Variants in AKR1E2 observed in about 807,000 individuals in gnomAD.
The protein encoded by AKR1E2 is 1,5-anhydro-D-fructose reductase.
Under a neutral mutation model 41.9 loss-of-function variants are expected in AKR1E2, and 43 were observed. That is an observed-to-expected ratio of 1.03 (90% confidence interval 0.80 to 1.32). AKR1E2 has a LOEUF of 1.32. Ranked by LOEUF, AKR1E2 falls within the 40% of genes most tolerant of loss-of-function variation. AKR1E2 has a pLI of 0.00. For missense variants in AKR1E2, 423 were observed against 396.5 expected, an observed-to-expected ratio of 1.07 and a Z score of -0.57; for synonymous variants, 121 against 138.9, an observed-to-expected ratio of 0.87 and a Z score of 0.91.
the AKR1E2 span, among the ~76,000 whole-genome samples, chr10:4,866,639 G>T: frequency 7.9e-4 from 85 of 107,808 alleles, 1 homozygote; most frequent in South Asian, 1.3e-3. Flanking sequence ...TTTTGTTTTT[G>T]TTTTTGTTTT....
chr10:4,860,601 C>G, the AKR1E2 span, among the ~76,000 whole-genome samples: 2 of 152,146 alleles, frequency 1.3e-5, no homozygotes, highest in African/African-American at 4.8e-5. Flanking sequence ...TGATTTATTA[C>G]TATATGAATG....
At chr10:4,863,534 CA>C in the AKR1E2 span, among the ~76,000 whole-genome samples, 2 of 152,066 alleles carry the variant, frequency 1.3e-5, no homozygotes, top group African/African-American at 4.8e-5. Context: ...GACACCCTAA[CA>C]TCACAATTAA....
intron 3 of AKR1E2, among the ~76,000 whole-genome samples, chr10:4,833,728 T>G (rs375847629): frequency 4.6e-5 from 7 of 152,204 alleles, no homozygotes; most frequent in Admixed American, 1.3e-4. Flanking sequence ...AAGAGAGCAG[T>G]AGATTTTTTT....
chr10:4,830,849 C>G lies in AKR1E2; in HGVS notation c.207+7C>G. 1 of 1,613,954 alleles carries G rather than the reference C, an allele frequency of 6.2e-7. No individual in the cohort carries two copies. Among genetic ancestry groups the G allele is most frequent in the Non-Finnish European group, 8.5e-7 (1 of 1,179,916 alleles). ...TCTGTTCATTGCCACTAAGGTAGGG[C>G]TTCTCTATGCAAGGCTGGCAGAGCT... On this transcript the variant is annotated splice_region_variant and intron_variant, in intron 2 of 9. Coordinates refer to ENST00000298375, the MANE Select transcript of AKR1E2 (RefSeq NM_001040177.3).
chr10:4,831,465 C>T (rs181231261), intron 2 of AKR1E2, among the ~76,000 whole-genome samples: 98 of 152,278 alleles, frequency 6.4e-4, no homozygotes, highest in African/African-American at 2.3e-3. Context: ...AACAAAGGCA[C>T]GTCTTACATG....
chr10:4,825,580 C>T (rs1588420126), upstream of AKR1E2, among the ~76,000 whole-genome samples: 1 of 152,232 alleles, frequency 6.6e-6, no homozygotes, highest in Admixed American at 6.5e-5. Context: ...CAAGCCCCAG[C>T]CGCTCTGGGC....
At position 4,837,544 on chromosome 10, in the gene AKR1E2, A is replaced by G. The variant is rs781674098; in HGVS notation, c.545A>G (p.Asn182Ser). The G allele has an allele frequency of 3.3e-5, 54 of 1,614,028 alleles. No homozygotes were observed. The highest frequency in any genetic ancestry group is 4.2e-5 in the Non-Finnish European group (50 of 1,180,028). The change falls in exon 5 of 10, where the codon AAT becomes AGT. Residue 182 changes from asparagine to serine, a missense_variant. Physicochemically the swap from Asn to Ser is conservative, Grantham distance 46. Coordinates refer to ENST00000298375, the MANE Select transcript of AKR1E2 (RefSeq NM_001040177.3). ...FNHEQLERLLNKPGLRFKPLT... is the reference protein window; with the variant it reads ...FNHEQLERLLSKPGLRFKPLT... Reference sequence around the variant, plus strand: ...CATGAACAGCTTGAGAGGCTTTTGAATAAGCCTGGGTTGAGGTTCAAGCCA... The same window carrying G: ...CATGAACAGCTTGAGAGGCTTTTGAGTAAGCCTGGGTTGAGGTTCAAGCCA...
chr10:4,855,544 A>G, the AKR1E2 span, among the ~76,000 whole-genome samples: 1 of 146,184 alleles, frequency 6.8e-6, no homozygotes, highest in African/African-American at 2.5e-5. Context: ...TGCCATCACA[A>G]TGGCAGCCCA....
At chr10:4,830,262 CT>C in intron 1 of AKR1E2, among the ~76,000 whole-genome samples, 1 of 152,170 alleles carries the variant, frequency 6.6e-6, no homozygotes, top group South Asian at 2.1e-4. Flanking sequence ...TTATATACTT[CT>C]TTTTGTATGG....
At chr10:4,839,655 G>T in intron 5 of AKR1E2, 74 bp from the exon 6 acceptor site, 1 of 1,374,050 alleles carries the variant, frequency 7.3e-7, no homozygotes, top group Non-Finnish European at 1.0e-6. Context: ...AGACTTTGAC[G>T]CAGGTCTTCT....
At position 4,837,446 on chromosome 10, in the gene AKR1E2, C is replaced by A; in HGVS notation, c.460-13C>A. 1 of 1,613,494 alleles carries A rather than the reference C, an allele frequency of 6.2e-7. No homozygotes were observed. Among genetic ancestry groups the A allele is most frequent in the South Asian group, 1.1e-5 (1 of 91,032 alleles). ...ACAGAAGCTTCACACCCAGCAGAGTCGTTCTCTTATAGGCCATGGAGGACC... is the reference window on the plus strand; with the variant it reads ...ACAGAAGCTTCACACCCAGCAGAGTAGTTCTCTTATAGGCCATGGAGGACC... On this transcript the variant is annotated splice_polypyrimidine_tract_variant and intron_variant, in intron 4 of 9. Transcript: ENST00000298375.
At position 4,833,357 on chromosome 10, in the gene AKR1E2, G is replaced by A. The variant is rs779954248; in HGVS notation, c.215G>A (p.Cys72Tyr). The change falls in exon 3 of 10, where the codon TGC becomes TAC. Residue 72 changes from cysteine to tyrosine, a missense_variant. Cys to Tyr is a radical substitution (Grantham distance 194). Coordinates refer to ENST00000298375, the MANE Select transcript of AKR1E2 (RefSeq NM_001040177.3). ...GTCCCCTCTCCTTTGTAGCTGTGGT[G>A]CACCTGCCATAAGAAGTCCTTGGTG... Reference protein sequence around the residue: ...EDLFIATKLWCTCHKKSLVET... With the variant: ...EDLFIATKLWYTCHKKSLVET... 8 of 1,613,730 alleles carry A rather than the reference G, an allele frequency of 5.0e-6. No individual in the cohort carries two copies. In the African/African-American group the frequency reaches 8.0e-5, roughly 16 times the overall value.
intron 3 of AKR1E2, among the ~76,000 whole-genome samples, chr10:4,834,537 C>T (rs1285242049): frequency 2.0e-5 from 3 of 152,124 alleles, no homozygotes; most frequent in Non-Finnish European, 4.4e-5. Context: ...AATTATGTAC[C>T]CAGAACTATG....
the AKR1E2 span, among the ~76,000 whole-genome samples, chr10:4,864,345 A>G: frequency 0.023 from 3,533 of 152,202 alleles, 60 homozygotes; most frequent in East Asian, 0.07. Flanking sequence ...TATAAACAGA[A>G]TCGAAGACAA....
At chr10:4,862,514 C>G in the AKR1E2 span, among the ~76,000 whole-genome samples, 1 of 152,144 alleles carries the variant, frequency 6.6e-6, no homozygotes, top group Non-Finnish European at 1.5e-5. Flanking sequence ...CTATAAATTA[C>G]CTTGGGCAGT....
At chr10:4,832,693 C>T (rs759279027) in intron 2 of AKR1E2, among the ~76,000 whole-genome samples, 17 of 152,076 alleles carry the variant, frequency 1.1e-4, no homozygotes, top group East Asian at 3.8e-4. Context: ...ATACTGTGCT[C>T]GTTTGTTTTC....
At chr10:4,848,709 T>C (rs1000653471), downstream of AKR1E2, among the ~76,000 whole-genome samples, 2 of 152,156 alleles carry the variant, frequency 1.3e-5, no homozygotes, top group Non-Finnish European at 2.9e-5. Flanking sequence ...AGGGGACTGT[T>C]TGGGGACAGT....
chr10:4,861,423 T>A, the AKR1E2 span, among the ~76,000 whole-genome samples: 1 of 152,044 alleles, frequency 6.6e-6, no homozygotes, highest in Non-Finnish European at 1.5e-5. Flanking sequence ...CAGGATGGAG[T>A]GCAATGGCGT....
Position 4,842,297 on chromosome 10 carries a change from T to G in AKR1E2, c.754-124T>G. The G allele has an allele frequency of 3.8e-6, 3 of 785,440 alleles. No homozygotes were observed. The South Asian group carries it at 5.1e-5, about 13-fold the overall frequency. The allele number at this position is 785,440 out of a possible 1,614,324, so 48.7% of individuals were successfully genotyped here. On this transcript the variant is annotated intron_variant, in intron 7 of 9. Transcript: ENST00000298375. ...GACAGAGCTGCTCAGTGAATGCCAG[T>G]AACAATAGCTGCTGTCATTGATTCT...
Sources: allele counts gnomAD v4.1 joint callset (sites outside exome capture counted in the v4.1 genomes callset), GRCh38; gene constraint gnomAD v4.1.1; transcripts MANE v1.5; gene names NCBI Gene and HGNC (gene_info 2026-07-23, HGNC 2026-07-21).